IBSP: variants seen among roughly 807,000 people sequenced by gnomAD.
The protein encoded by IBSP is integrin binding sialoprotein.
In IBSP, 19 loss-of-function variants were observed where a neutral mutation model predicts 25.5. The ratio of observed to expected loss-of-function variants is 0.74; its 90% CI spans 0.52 to 1.09. IBSP has a LOEUF of 1.09. Among genes scored for constraint, IBSP ranks in the 50% least tolerant of loss-of-function variants. The pLI is 0.00. For synonymous variants in IBSP, 144 were observed against 137.6 expected (o/e 1.05, Z -0.33); for missense variants, 360 against 382.3 (o/e 0.94, Z 0.49).
In IBSP at chr4:87,802,505, CAG is replaced by C. The variant is rs777468682; in HGVS notation, c.55-1_55del. ...TGCAATAATTAAATGTTCTTTAAAA[CAG>C]ATGAAAAATTTGCATCGAAGAGTCA... is the stretch of plus-strand genomic sequence containing the variant. On this transcript the variant is annotated splice_acceptor_variant, in intron 2 of 6. Transcript: ENST00000226284. LOFTEE classifies it high-confidence loss of function. 1.2e-6 allele frequency: 2 copies of C among 1,600,172 alleles called. No individual in the cohort carries two copies. The highest frequency in any genetic ancestry group is 1.3e-5 in the African/African-American group (1 of 74,232).
Position 87,806,104 on chromosome 4 carries a change from A to T in IBSP, c.184-18A>T. ...TGTACACAGATAAGAGTATACATACATGTGTATATATTTTTAGGGCAGTAG... is the reference window on the plus strand; with the variant it reads ...TGTACACAGATAAGAGTATACATACTTGTGTATATATTTTTAGGGCAGTAG... On this transcript the variant is annotated intron_variant, in intron 4 of 6. Transcript: ENST00000226284. 1 of 1,573,164 alleles carries T rather than the reference A, an allele frequency of 6.4e-7. No homozygotes were observed. The highest frequency in any genetic ancestry group is 8.7e-7 in the Non-Finnish European group (1 of 1,145,024).
intron 5 of IBSP, among the ~76,000 whole-genome samples, chr4:87,808,491 C>T (rs1003601993): frequency 3.3e-5 from 5 of 152,016 alleles, no homozygotes; most frequent in Admixed American, 3.3e-4. Context: ...ATAAAAGAAA[C>T]TTTTATTGAA....
At chr4:87,805,580 A>C (rs1157545033) in intron 4 of IBSP, among the ~76,000 whole-genome samples, 2 of 152,224 alleles carry the variant, frequency 1.3e-5, no homozygotes, top group African/African-American at 4.8e-5. Context: ...TCACTATGTA[A>C]GAGAATCATC....
At chr4:87,805,667 T>G (rs1027672383) in intron 4 of IBSP, among the ~76,000 whole-genome samples, 1 of 152,214 alleles carries the variant, frequency 6.6e-6, no homozygotes, top group African/African-American at 2.4e-5. Context: ...AACTATATCT[T>G]AGCCCAAGGT....
At chr4:87,809,837 C>A (rs1722143909) in intron 5 of IBSP, among the ~76,000 whole-genome samples, 1 of 151,942 alleles carries the variant, frequency 6.6e-6, no homozygotes, top group Non-Finnish European at 1.5e-5. Context: ...GAGATCAACT[C>A]AATTAAAAAA....
chr4:87,809,088 G>A (rs1017542695), intron 5 of IBSP, among the ~76,000 whole-genome samples: 7 of 152,184 alleles, frequency 4.6e-5, no homozygotes, highest in African/African-American at 1.7e-4. Context: ...GGTTCCGGTT[G>A]CTCCACATTC....
At chr4:87,800,365 T>C (rs1035148471) in intron 1 of IBSP, among the ~76,000 whole-genome samples, 1 of 152,174 alleles carries the variant, frequency 6.6e-6, no homozygotes, top group African/African-American at 2.4e-5. Context: ...CATCTGGTTA[T>C]TTTTATTGTT....
Position 87,802,664 on chromosome 4 carries a change from A to C in IBSP, c.116A>C (p.Tyr39Ser), listed in dbSNP as rs1397961796. Reference sequence around the variant, plus strand: ...ATTTTGTTTTTGCAGGTCTTTAAGTACAGGCCACGATATTATCTTTACAAG... The same window carrying C: ...ATTTTGTTTTTGCAGGTCTTTAAGTCCAGGCCACGATATTATCTTTACAAG... ...EDSEENGVFK[Y>S]RPRYYLYKHA... Residue 39 changes from tyrosine (Y) to serine (S), a missense_variant, in exon 4 of 7, where the codon TAC becomes TCC. Transcript: ENST00000226284. 1 of 1,576,220 alleles carries C rather than the reference A, an allele frequency of 6.3e-7. No individual in the cohort carries two copies. Among genetic ancestry groups the C allele is most frequent in the Non-Finnish European group, 8.6e-7 (1 of 1,168,750 alleles).
chr4:87,805,378 G>T (rs1722075261), intron 4 of IBSP, among the ~76,000 whole-genome samples: 1 of 152,070 alleles, frequency 6.6e-6, no homozygotes, highest in South Asian at 2.1e-4. Flanking sequence ...ATTCAACACT[G>T]AACTTGTTAG....
In IBSP at chr4:87,802,689, G is replaced by T; in HGVS notation, c.141G>T (p.Lys47Asn). The T allele has an allele frequency of 6.4e-7, 1 of 1,565,886 alleles. No individual in the cohort carries two copies. The change falls in exon 4 of 7, where the codon AAG (lysine) becomes AAT (asparagine). Residue 47 changes from lysine to asparagine, a missense_variant. Physicochemically the swap from Lys to Asn is moderately conservative, Grantham distance 94. Coordinates refer to ENST00000226284, the MANE Select transcript of IBSP (RefSeq NM_004967.4). Reference protein sequence around the residue: ...FKYRPRYYLYKHAYFYPHLKR... With the variant: ...FKYRPRYYLYNHAYFYPHLKR... ...ACAGGCCACGATATTATCTTTACAA[G>T]CATGCCTACTTTTATCCTCATTTAA...
Position 87,811,484 on chromosome 4 carries a change from A to C in IBSP, c.528A>C (p.Ile176=). ...EAEVDENEQG[I]NGTSTNSTEA... is the part of the protein sequence containing the mutation. ...AAGTGGATGAAAACGAACAAGGCATAAACGGCACCAGTACCAACAGCACAG... is the reference window on the plus strand; with the variant it reads ...AAGTGGATGAAAACGAACAAGGCATCAACGGCACCAGTACCAACAGCACAG... The change falls in exon 7 of 7, where the codon ATA becomes ATC. Residue 176 remains isoleucine (I), a synonymous_variant. Transcript: ENST00000226284. 1 of 1,614,102 alleles carries C rather than the reference A, an allele frequency of 6.2e-7. No individual in the cohort carries two copies. The highest frequency in any genetic ancestry group is 8.5e-7 in the Non-Finnish European group (1 of 1,180,016).
At position 87,806,309 on chromosome 4, in the gene IBSP, T is replaced by A. The variant is rs767230611; in HGVS notation, c.246+125T>A. The A allele has an allele frequency of 1.6e-5, 11 of 703,986 alleles. No individual in the cohort carries two copies. In the East Asian group the frequency reaches 3.1e-4, roughly 20 times the overall value. The allele number at this position is 703,986 out of a possible 1,614,324, so 43.6% of individuals were successfully genotyped here. A position where few individuals can be genotyped will look rare whatever the true frequency, so the allele number is the denominator to read the frequency against. On this transcript the variant is annotated intron_variant, in intron 5 of 6. Transcript: ENST00000226284. ...ACTTTACTAACTGCCCATAATATCC[T>A]ATTTTGGATAAGCAGAATTTTATTT...
At chr4:87,807,445 G>C (rs1164113798) in intron 5 of IBSP, among the ~76,000 whole-genome samples, 1 of 151,990 alleles carries the variant, frequency 6.6e-6, no homozygotes, top group African/African-American at 2.4e-5. Context: ...TTGAAGGAAG[G>C]CCTTACAAGA....
chr4:87,811,415 AGAG>A lies in IBSP; in HGVS notation c.465_467del (p.Glu158del). On this transcript the variant is annotated inframe_deletion, in exon 7 of 7. Coordinates refer to ENST00000226284, the MANE Select transcript of IBSP (RefSeq NM_004967.4). ...AAGAGAAGGAAAGTGATGAAGAAGAAGAGGAGGAAGAGGAAGGAAATGAAAACG... is the reference window on the plus strand; with the variant it reads ...AAGAGAAGGAAAGTGATGAAGAAGAAGAGGAAGAGGAAGGAAATGAAAACG... 2 of 1,613,306 alleles carry A rather than the reference AGAG, an allele frequency of 1.2e-6. No homozygotes were observed. Among genetic ancestry groups the A allele is most frequent in the Non-Finnish European group, 8.5e-7 (1 of 1,179,510 alleles).
intron 1 of IBSP, among the ~76,000 whole-genome samples, chr4:87,801,481 TACACACAC>T (rs34524230): frequency 0.042 from 5,527 of 132,362 alleles, 212 homozygotes; most frequent in African/African-American, 0.092. Flanking sequence ...CACCCACCCA[TACACACAC>T]ACACACACAC....
chr4:87,808,762 T>C lies in IBSP; in HGVS notation c.247-1844T>C, dbSNP rs1254891482. On this transcript the variant is annotated intron_variant, in intron 5 of 6. Transcript: ENST00000226284. Reference sequence around the variant, plus strand: ...CTTCACTCTCAAATTTAGAGATTCATCCATGTTGTTCTGTAGTTGTAGATC... The same window carrying C: ...CTTCACTCTCAAATTTAGAGATTCACCCATGTTGTTCTGTAGTTGTAGATC... 2.0e-5 allele frequency among the ~76,000 whole-genome samples: 3 copies of C among 152,212 alleles called. No homozygotes were observed. The East Asian group carries it at 5.8e-4, about 29-fold the overall frequency.
At chr4:87,804,102 A>T (rs1232128388) in intron 4 of IBSP, among the ~76,000 whole-genome samples, 2 of 152,196 alleles carry the variant, frequency 1.3e-5, no homozygotes, top group African/African-American at 2.4e-5. Context: ...CACAAATTAT[A>T]TGCAGATAGG....
At chr4:87,803,539 C>T (rs1208965043) in intron 4 of IBSP, among the ~76,000 whole-genome samples, 1 of 152,120 alleles carries the variant, frequency 6.6e-6, no homozygotes, top group African/African-American at 2.4e-5. Flanking sequence ...GGGTTCAGGA[C>T]ACCAATTATG....
chr4:87,802,981 CTG>C (rs1430504695), intron 4 of IBSP, among the ~76,000 whole-genome samples: 2 of 152,168 alleles, frequency 1.3e-5, no homozygotes, highest in African/African-American at 4.8e-5. Flanking sequence ...AAAACAAACA[CTG>C]TAGCACATTG....
Sources: allele counts gnomAD v4.1 joint callset (sites outside exome capture counted in the v4.1 genomes callset), GRCh38; gene constraint gnomAD v4.1.1; transcripts MANE v1.5; gene names NCBI Gene and HGNC (gene_info 2026-07-23, HGNC 2026-07-21).